Variants in SESTD1 observed in about 807,000 individuals in gnomAD.
The protein encoded by SESTD1 is SEC14 domain and spectrin repeat-containing protein 1.
A neutral mutation model predicts 101.7 loss-of-function variants in SESTD1; 43 were observed. That is an observed-to-expected ratio of 0.42 (90% CI 0.33 to 0.55). The LOEUF (loss-of-function observed/expected upper bound fraction) is 0.55. Ranked by LOEUF, SESTD1 falls within the 20% of genes least tolerant of loss-of-function variation. The pLI, the probability that SESTD1 is intolerant of heterozygous loss-of-function variation, is 0.07. For missense variants in SESTD1, 647 were observed against 815.1 expected, an observed-to-expected ratio of 0.79 and a Z score of 2.51; for synonymous variants, 283 against 286.8, an observed-to-expected ratio of 0.99 and a Z score of 0.13.
intron 1 of SESTD1, among the ~76,000 whole-genome samples, chr2:179,257,335 A>G (rs1032426096): frequency 6.6e-6 from 1 of 152,362 alleles, no homozygotes; most frequent in East Asian, 1.9e-4. Context: ...CAGCAAAAAG[A>G]TTACAACTCA....
At chr2:179,200,079 T>G (rs1403578836) in intron 1 of SESTD1, among the ~76,000 whole-genome samples, 2 of 152,204 alleles carry the variant, frequency 1.3e-5, no homozygotes, top group East Asian at 3.8e-4. Flanking sequence ...CAGCAAAGTC[T>G]CACGATACAA....
intron 13 of SESTD1, among the ~76,000 whole-genome samples, chr2:179,118,518 T>G (rs2044682467): frequency 1.3e-5 from 2 of 152,054 alleles, no homozygotes; most frequent in South Asian, 4.1e-4. Flanking sequence ...TAAAGAAAGC[T>G]TAATAACAAT....
intron 1 of SESTD1, among the ~76,000 whole-genome samples, chr2:179,239,598 A>T (rs774339855): frequency 3.3e-5 from 5 of 152,166 alleles, no homozygotes; most frequent in Non-Finnish European, 5.9e-5. Flanking sequence ...ACTGAATGAC[A>T]ATCTCTGGGT....
chr2:179,193,681 T>C (rs966560257), intron 1 of SESTD1, among the ~76,000 whole-genome samples: 1 of 152,196 alleles, frequency 6.6e-6, no homozygotes, highest in African/African-American at 2.4e-5. Flanking sequence ...GTACTATTAT[T>C]TTATTAGCCC....
rs1173922129 is a variant in SESTD1 at position 179,117,621 on chromosome 2, A to G, written c.1443-8T>C. On this transcript the variant is annotated splice_region_variant and splice_polypyrimidine_tract_variant and intron_variant, in intron 13 of 17. Coordinates refer to ENST00000428443, the MANE Select transcript of SESTD1 (RefSeq NM_178123.5). ...TCTACCATGTCTTCACATCTAATGA[A>G]CCCAAACATAAATTTAACTCATCAT... 1 of 1,553,596 alleles carries G rather than the reference A, an allele frequency of 6.4e-7. No homozygotes were observed. The highest frequency in any genetic ancestry group is 8.6e-7 in the Non-Finnish European group (1 of 1,159,040).
intron 1 of SESTD1, among the ~76,000 whole-genome samples, chr2:179,197,407 T>A (rs2046419048): frequency 6.6e-6 from 1 of 152,132 alleles, no homozygotes; most frequent in South Asian, 2.1e-4. Flanking sequence ...CCAGGAGAAC[T>A]TCCCCAATCT....
intron 1 of SESTD1, among the ~76,000 whole-genome samples, chr2:179,219,594 A>G (rs755477922): frequency 1.3e-5 from 2 of 152,256 alleles, no homozygotes; most frequent in Non-Finnish European, 2.9e-5. Context: ...GAAATTAACA[A>G]ATACAAGTAC....
In SESTD1 at chr2:179,102,376, C is replaced by A. The variant is rs573553638; in HGVS notation, c.*7523G>T. The A allele has an allele frequency of 6.6e-6, 1 of 151,938 alleles. No homozygotes were observed. The highest frequency in any genetic ancestry group is 1.5e-5 in the Non-Finnish European group (1 of 68,014). 9.4% of individuals were successfully genotyped at this position (151,938 alleles called of 1,614,324 possible). A position where few individuals can be genotyped will look rare whatever the true frequency, so the allele number is the denominator to read the frequency against. On this transcript the variant is annotated 3_prime_UTR_variant, in exon 18 of 18. Coordinates refer to ENST00000428443, the MANE Select transcript of SESTD1 (RefSeq NM_178123.5). ...AATAACTCAAATTGATTCAAAGATGCAGAATTCATCAGATTATCTTATAGA... is the reference window on the plus strand; with the variant it reads ...AATAACTCAAATTGATTCAAAGATGAAGAATTCATCAGATTATCTTATAGA...
intron 1 of SESTD1, among the ~76,000 whole-genome samples, chr2:179,245,713 C>T (rs528731329): frequency 4.0e-5 from 6 of 151,388 alleles, no homozygotes; most frequent in African/African-American, 1.5e-4. Flanking sequence ...CTCAAATAAC[C>T]CATAAAAAGG....
intron 1 of SESTD1, among the ~76,000 whole-genome samples, chr2:179,256,000 TA>T (rs2047387599): frequency 6.6e-6 from 1 of 152,050 alleles, no homozygotes; most frequent in Admixed American, 6.5e-5. Context: ...TTAAGCCTAC[TA>T]TTAAGACCTG....
intron 8 of SESTD1, 133 bp downstream of exon 8, chr2:179,146,269 C>T (rs1482085430): frequency 2.6e-6 from 2 of 771,214 alleles, no homozygotes; most frequent in African/African-American, 1.8e-5. Context: ...AAAACCAGTC[C>T]CTGGTCCTCA....
intron 1 of SESTD1, among the ~76,000 whole-genome samples, chr2:179,192,976 A>G (rs2046339603): frequency 6.6e-6 from 1 of 152,194 alleles, no homozygotes; most frequent in Non-Finnish European, 1.5e-5. Flanking sequence ...TTTCTAGAAC[A>G]GCAGAAAATA....
intron 9 of SESTD1, among the ~76,000 whole-genome samples, chr2:179,141,931 T>C (rs1045462432): frequency 1.3e-5 from 2 of 152,232 alleles, no homozygotes; most frequent in African/African-American, 4.8e-5. Flanking sequence ...CCAGTTTATA[T>C]GTGGTTATCA....
chr2:179,220,146 C>T (rs745790955), intron 1 of SESTD1, among the ~76,000 whole-genome samples: 3 of 152,076 alleles, frequency 2.0e-5, no homozygotes, highest in Non-Finnish European at 4.4e-5. Flanking sequence ...CTTAAAAACC[C>T]TTTTCAAAAA....
intron 1 of SESTD1, among the ~76,000 whole-genome samples, chr2:179,198,885 A>C (rs2046450979): frequency 6.6e-6 from 1 of 151,926 alleles, no homozygotes; most frequent in Non-Finnish European, 1.5e-5. Flanking sequence ...CTAACATCAC[A>C]ATTAAAAGAA....
intron 8 of SESTD1, among the ~76,000 whole-genome samples, chr2:179,144,766 CTCTT>C (rs969157850): frequency 6.6e-6 from 1 of 151,948 alleles, no homozygotes; most frequent in African/African-American, 2.4e-5. Context: ...GTTTTATACT[CTCTT>C]TCAATACTTA....
intron 9 of SESTD1, among the ~76,000 whole-genome samples, chr2:179,140,354 A>G (rs2045250665): frequency 6.6e-6 from 1 of 152,138 alleles, no homozygotes; most frequent in South Asian, 2.1e-4. Context: ...CAATCTAAAT[A>G]TATGACTGGT....
intron 1 of SESTD1, among the ~76,000 whole-genome samples, chr2:179,227,269 A>G (rs748480788): frequency 1.3e-5 from 2 of 152,172 alleles, no homozygotes; most frequent in Admixed American, 6.6e-5. Flanking sequence ...TTTTATTACA[A>G]TATTCACTAT....
chr2:179,188,009 T>C (rs921801638), intron 2 of SESTD1, among the ~76,000 whole-genome samples: 3 of 152,096 alleles, frequency 2.0e-5, no homozygotes, highest in Non-Finnish European at 4.4e-5. Flanking sequence ...ACTCCACCGA[T>C]AGAGTTAGAC....
Sources: allele counts gnomAD v4.1 joint callset (sites outside exome capture counted in the v4.1 genomes callset), GRCh38; gene constraint gnomAD v4.1.1; transcripts MANE v1.5; gene names NCBI Gene and HGNC (gene_info 2026-07-23, HGNC 2026-07-21).